Variants in GBP5 observed in about 807,000 individuals in gnomAD.
The protein encoded by GBP5 is guanylate binding protein 5.
GBP5 carries 48 observed loss-of-function variants against 58.2 expected under a neutral mutation model. That is an observed-to-expected ratio of 0.83 (90% CI 0.65 to 1.05). The LOEUF (loss-of-function observed/expected upper bound fraction) is 1.05. GBP5 is among the 50% of genes least tolerant of loss of function. The probability of loss-of-function intolerance (pLI) is 0.00; values close to 1 mark genes in which losing one functional copy is unlikely to be tolerated. For synonymous variants in GBP5, 248 were observed against 251.8 expected (o/e 0.98, Z 0.14); for missense variants, 714 against 686.8 (o/e 1.04, Z -0.44).
At position 89,263,840 on chromosome 1, in the gene GBP5, C is replaced by T; in HGVS notation, c.1258G>A (p.Val420Met). 6.2e-7 allele frequency: 1 copy of T among 1,613,146 alleles called. No individual in the cohort carries two copies. Among genetic ancestry groups the T allele is most frequent in the Non-Finnish European group, 8.5e-7 (1 of 1,179,502 alleles). ...GGCTTAGAATAAATTCCCTGCTTCA[C>T]TGCTTCTTCTAGAGGACCAAAAATA... is the stretch of plus-strand genomic sequence containing the variant. ...KDIFGPLEEA[V>M]KQGIYSKPGG... The change falls in exon 9 of 12, where the codon GTG becomes ATG. Residue 420 changes from valine to methionine, a missense_variant. Coordinates refer to ENST00000370459, the MANE Select transcript of GBP5 (RefSeq NM_052942.5).
intron 9 of GBP5, chr1:89,262,989 G>A: frequency 2.4e-6 from 1 of 411,514 alleles, no homozygotes; most frequent in South Asian, 5.3e-5. Flanking sequence ...GAGGCTTGTG[G>A]AACACCTGCT....
intron 4 of GBP5, among the ~76,000 whole-genome samples, chr1:89,267,832 T>G (rs1650288606): frequency 6.6e-6 from 1 of 152,206 alleles, no homozygotes; most frequent in African/African-American, 2.4e-5. Context: ...ATATACCTAT[T>G]TTATTGAATA....
intron 11 of GBP5, among the ~76,000 whole-genome samples, chr1:89,261,633 G>A (rs556538759): frequency 7.7e-4 from 117 of 152,346 alleles, no homozygotes; most frequent in Non-Finnish European, 1.2e-3. Flanking sequence ...AAAGTGCTAT[G>A]ACAGTGACTG....
chr1:89,267,568 C>A, intron 4 of GBP5, 42 bp from the exon 5 acceptor site: 1 of 1,190,476 alleles, frequency 8.4e-7, no homozygotes, highest in Non-Finnish European at 1.3e-6. Flanking sequence ...CATGGGATTC[C>A]CAGATGAGCG....
In GBP5 at chr1:89,262,348, T is replaced by A; in HGVS notation, c.1519A>T (p.Ile507Phe). 2 of 1,614,132 alleles carry A rather than the reference T, an allele frequency of 1.2e-6. No homozygotes were observed. The highest frequency in any genetic ancestry group is 8.5e-7 in the Non-Finnish European group (1 of 1,179,990). ...ATCATTTGCTCGTTCTGCCTTTGAA[T>A]CGCCGCCAACCTTTGCGCTTCAGCC... ...EKAEAQRLAA[I>F]QRQNEQMMQE... is the part of the protein sequence containing the mutation. Residue 507 changes from isoleucine (I) to phenylalanine (F), a missense_variant, in exon 11 of 12, where the codon ATT becomes TTT. Coordinates refer to ENST00000370459, the MANE Select transcript of GBP5 (RefSeq NM_052942.5).
rs1649882937 is a variant in GBP5 at position 89,258,807 on chromosome 1, A to G, written c.*1897T>C. 1 of 152,176 alleles carries G rather than the reference A, an allele frequency of 6.6e-6. No individual in the cohort carries two copies. Among genetic ancestry groups the G allele is most frequent in the African/African-American group, 2.4e-5 (1 of 41,460 alleles). 9.4% of individuals were successfully genotyped at this position (152,176 alleles called of 1,614,324 possible). On this transcript the variant is annotated 3_prime_UTR_variant, in exon 12 of 12. Coordinates refer to ENST00000370459, the MANE Select transcript of GBP5 (RefSeq NM_052942.5). ...AAAAAATTTTACTGGAGATATACAA[A>G]ACAAAGTAACAAAAAGTACATAAAA...
chr1:89,269,317 T>A, intron 3 of GBP5, 49 bp downstream of exon 3: 1 of 1,563,380 alleles, frequency 6.4e-7, no homozygotes, highest in Non-Finnish European at 8.8e-7. Flanking sequence ...GGATGGTGAC[T>A]GTGTGAATGG....
chr1:89,262,386 G>A lies in GBP5; in HGVS notation c.1481C>T (p.Ala494Val), dbSNP rs1168969135. Residue 494 changes from alanine to valine, a missense_variant, in exon 11 of 12, where the codon GCA becomes GTA. Transcript: ENST00000370459. ...TTGCGCTTCAGCCTTTTCAGCTTCTGCTTTCACTTGTGCCTCTGAGGAGAA... is the reference window on the plus strand; with the variant it reads ...TTGCGCTTCAGCCTTTTCAGCTTCTACTTTCACTTGTGCCTCTGAGGAGAA... The part of the protein sequence containing the change: ...EKKKKEAQVK[A>V]EAEKAEAQRL... The A allele has an allele frequency of 6.2e-7, 1 of 1,613,768 alleles. No homozygotes were observed. Among genetic ancestry groups the A allele is most frequent in the Non-Finnish European group, 8.5e-7 (1 of 1,179,936 alleles).
intron 9 of GBP5, chr1:89,263,336 A>AT: frequency 5.7e-6 from 1 of 174,140 alleles, no homozygotes; most frequent in East Asian, 1.6e-4. Flanking sequence ...TTCTGAATGC[A>AT]TCTATACTTG....
chr1:89,270,623 G>C (rs1403863274), intron 2 of GBP5, 132 bp downstream of exon 2: 2 of 152,312 alleles, frequency 1.3e-5, no homozygotes, highest in South Asian at 4.1e-4. Context: ...AAATGGTGTA[G>C]CACTAGGACA....
Position 89,264,967 on chromosome 1 carries a change from C to T in GBP5, c.869-1G>A, listed in dbSNP as rs775318306. On this transcript the variant is annotated splice_acceptor_variant, in intron 7 of 11. Coordinates refer to ENST00000370459, the MANE Select transcript of GBP5 (RefSeq NM_052942.5). LOFTEE classifies it high-confidence loss of function. ...TAGGTCAGCACCAGGTTCTTTAGAC[C>T]TTCATGGAAGAAAGAAACATTTATA... 9 of 1,603,614 alleles carry T rather than the reference C, an allele frequency of 5.6e-6. No individual in the cohort carries two copies. The African/African-American group carries it at 8.1e-5, about 14-fold the overall frequency.
chr1:89,267,412 G>C lies in GBP5; in HGVS notation c.428+5C>G, dbSNP rs765270620. 5 of 1,594,638 alleles carry C rather than the reference G, an allele frequency of 3.1e-6. No homozygotes were observed. In the East Asian group the frequency reaches 6.7e-5, roughly 21 times the overall value. On this transcript the variant is annotated splice_donor_5th_base_variant and intron_variant, in intron 5 of 11. Coordinates refer to ENST00000370459, the MANE Select transcript of GBP5 (RefSeq NM_052942.5). ...TTGGTGCCATCCCATACCACAAAAG[G>C]ATACTGCAGTAGGTCGATAGCACCC...
At chr1:89,261,362 G>A (rs588854) in intron 11 of GBP5, among the ~76,000 whole-genome samples, 5,013 of 152,212 alleles carry the variant, frequency 0.033, 289 homozygotes, top group African/African-American at 0.11. Context: ...TGAAAAACTA[G>A]TACCTACAAA....
intron 5 of GBP5, 54 bp from the exon 6 acceptor site, chr1:89,267,207 C>A: frequency 7.0e-7 from 1 of 1,421,486 alleles, no homozygotes; most frequent in Non-Finnish European, 9.6e-7. Flanking sequence ...TAAACCCATA[C>A]TTAATTCCAT....
intron 2 of GBP5, 61 bp from the exon 3 acceptor site, chr1:89,269,635 G>GACT: frequency 8.5e-7 from 1 of 1,172,946 alleles, no homozygotes; most frequent in Non-Finnish European, 1.2e-6. Flanking sequence ...AGCAAAGGAA[G>GACT]TCATTTTGCT....
At position 89,262,795 on chromosome 1, in the gene GBP5, C is replaced by T. The variant is rs549723161; in HGVS notation, c.1363-10G>A. On this transcript the variant is annotated splice_polypyrimidine_tract_variant and intron_variant, in intron 9 of 11. Coordinates refer to ENST00000370459, the MANE Select transcript of GBP5 (RefSeq NM_052942.5). ...GCAGAACTTCTTCAGCCTAGCAACC[C>T]GGAAAACATGCAGTTAGATGCAGGA... 129 of 1,499,668 alleles carry T rather than the reference C, an allele frequency of 8.6e-5. No homozygotes were observed. The highest frequency in any genetic ancestry group is 1.8e-4 in the Middle Eastern group (1 of 5,656). The allele number at this position is 1,499,668 out of a possible 1,614,324, so 92.9% of individuals were successfully genotyped here.
chr1:89,263,915 T>A lies in GBP5; in HGVS notation c.1183A>T (p.Lys395Ter). 6.2e-7 allele frequency: 1 copy of A among 1,612,186 alleles called. No individual in the cohort carries two copies. Among genetic ancestry groups the A allele is most frequent in the Non-Finnish European group, 8.5e-7 (1 of 1,179,488 alleles). Residue 395 changes from lysine (K) to a stop codon, truncating the protein, a stop_gained, in exon 9 of 12, where the codon AAA (lysine) becomes TAA (stop). Coordinates refer to ENST00000370459, the MANE Select transcript of GBP5 (RefSeq NM_052942.5). LOFTEE classifies it high-confidence loss of function. Reference sequence around the variant, plus strand: ...TCCGAGGATGCTTCCAGGTTCCGTTTACAAATGTCATTCTGTTTTGCATCT... The same window carrying A: ...TCCGAGGATGCTTCCAGGTTCCGTTAACAAATGTCATTCTGTTTTGCATCT... ...LLDAKQNDIC[K>*]RNLEASSDYC...
rs758406545 is a variant in GBP5, at chr1:89,263,921, T to A, written c.1177A>T (p.Ile393Phe). The A allele has an allele frequency of 1.2e-6, 2 of 1,611,422 alleles. No homozygotes were observed. The highest frequency in any genetic ancestry group is 2.7e-5 in the African/African-American group (2 of 74,142). Reference sequence around the variant, plus strand: ...GATGCTTCCAGGTTCCGTTTACAAATGTCATTCTGTTTTGCATCTAGTAGA... The same window carrying A: ...GATGCTTCCAGGTTCCGTTTACAAAAGTCATTCTGTTTTGCATCTAGTAGA... Reference protein sequence around the residue: ...ETLLDAKQNDICKRNLEASSD... With the variant: ...ETLLDAKQNDFCKRNLEASSD... Residue 393 changes from isoleucine (I) to phenylalanine (F), a missense_variant, in exon 9 of 12, where the codon ATT (isoleucine) becomes TTT (phenylalanine). Physicochemically the swap from Ile to Phe is conservative, Grantham distance 21. Coordinates refer to ENST00000370459, the MANE Select transcript of GBP5 (RefSeq NM_052942.5).
Position 89,267,590 on chromosome 1 carries a change from T to G in GBP5, c.319-64A>C, listed in dbSNP as rs6690597. 1.7e-5 allele frequency: 16 copies of G among 947,734 alleles called. No homozygotes were observed. In the African/African-American group the frequency reaches 2.1e-4, roughly 12 times the overall value. 58.7% of individuals were successfully genotyped at this position (947,734 alleles called of 1,614,324 possible). A position where few individuals can be genotyped will look rare whatever the true frequency, so the allele number is the denominator to read the frequency against. On this transcript the variant is annotated intron_variant, in intron 4 of 11. Coordinates refer to ENST00000370459, the MANE Select transcript of GBP5 (RefSeq NM_052942.5). ...TTCCCAGATGAGCGATATTTAAAAA[T>G]AGGCTCTTGTCATAAATGTTTAACA...
Sources: allele counts gnomAD v4.1 joint callset (sites outside exome capture counted in the v4.1 genomes callset), GRCh38; gene constraint gnomAD v4.1.1; transcripts MANE v1.5; gene names NCBI Gene and HGNC (gene_info 2026-07-23, HGNC 2026-07-21).